TMEM167A: variants seen among roughly 807,000 people sequenced by gnomAD.
The protein encoded by TMEM167A is transmembrane protein 167A.
A neutral mutation model predicts 11.6 loss-of-function variants in TMEM167A; 8 were observed. That is an observed-to-expected ratio of 0.69 (90% CI 0.40 to 1.24). TMEM167A has a LOEUF of 1.24. Ranked by LOEUF, TMEM167A falls within the 50% of genes most tolerant of loss-of-function variation. TMEM167A has a pLI of 0.01. For missense variants in TMEM167A, 62 were observed against 87.0 expected (o/e 0.71, Z 1.14); for synonymous variants, 22 against 28.0 (o/e 0.79, Z 0.67).
intron 1 of TMEM167A, among the ~76,000 whole-genome samples, chr5:83,067,216 A>C (rs1744495875): frequency 6.6e-6 from 1 of 150,916 alleles, no homozygotes; most frequent in South Asian, 2.1e-4. Flanking sequence ...TATGGAAAAA[A>C]TAAGGCAAGA....
At chr5:83,075,778 C>G (rs1004345153) in intron 1 of TMEM167A, among the ~76,000 whole-genome samples, 1 of 151,874 alleles carries the variant, frequency 6.6e-6, no homozygotes, top group Non-Finnish European at 1.5e-5. Context: ...TACAGTAATT[C>G]AGGTTTATTA....
At chr5:83,074,469 C>T (rs1438943880) in intron 1 of TMEM167A, among the ~76,000 whole-genome samples, 1 of 152,222 alleles carries the variant, frequency 6.6e-6, no homozygotes, top group East Asian at 1.9e-4. Context: ...CACATCTATT[C>T]TCTGGAGACT....
At chr5:83,068,466 A>C (rs181130198) in intron 1 of TMEM167A, among the ~76,000 whole-genome samples, 3 of 152,208 alleles carry the variant, frequency 2.0e-5, no homozygotes, top group Admixed American at 6.5e-5. Flanking sequence ...AAAACAGAGC[A>C]TGTACTTTAA....
chr5:83,077,197 A>G lies in TMEM167A; in HGVS notation c.3+124T>C, dbSNP rs1744694465. On this transcript the variant is annotated intron_variant, in intron 1 of 3. Coordinates refer to ENST00000502346, the MANE Select transcript of TMEM167A (RefSeq NM_174909.5). ...CTCTGGTTGGCCGTGGAGGGACCAC[A>G]TGGCTCCAAGGCCTCTCAGCTCCGG... The G allele has an allele frequency of 3.5e-6, 5 of 1,412,916 alleles. No homozygotes were observed. The Admixed American group carries it at 8.5e-5, about 24-fold the overall frequency. The allele number at this position is 1,412,916 out of a possible 1,614,324, so 87.5% of individuals were successfully genotyped here. A position where few individuals can be genotyped will look rare whatever the true frequency, so the allele number is the denominator to read the frequency against.
intron 1 of TMEM167A, among the ~76,000 whole-genome samples, chr5:83,074,936 A>T (rs1288911436): frequency 6.6e-6 from 1 of 152,080 alleles, no homozygotes; most frequent in Admixed American, 6.5e-5. Flanking sequence ...ACGCCCGGCT[A>T]ATTTTTTATT....
In TMEM167A at chr5:83,077,382, G is replaced by T. The variant is rs1744705245; in HGVS notation, c.-59C>A. 1 of 1,613,508 alleles carries T rather than the reference G, an allele frequency of 6.2e-7. No individual in the cohort carries two copies. Among genetic ancestry groups the T allele is most frequent in the Admixed American group, 1.7e-5 (1 of 60,006 alleles). On this transcript the variant is annotated 5_prime_UTR_variant, in exon 1 of 4. Transcript: ENST00000502346. ...TTCCGGGGCTCAGGCGGAAGAGGCTGCATGTCCCGTCTGCCCTTCTCGCCC... is the reference window on the plus strand; with the variant it reads ...TTCCGGGGCTCAGGCGGAAGAGGCTTCATGTCCCGTCTGCCCTTCTCGCCC...
intron 1 of TMEM167A, among the ~76,000 whole-genome samples, chr5:83,070,248 G>A (rs545069303): frequency 1.3e-5 from 2 of 152,216 alleles, no homozygotes; most frequent in African/African-American, 4.8e-5. Context: ...GACTGAGTAC[G>A]CAGGTTCTGT....
intron 1 of TMEM167A, among the ~76,000 whole-genome samples, chr5:83,074,437 T>C (rs971760010): frequency 1.3e-5 from 2 of 152,234 alleles, no homozygotes; most frequent in Non-Finnish European, 2.9e-5. Flanking sequence ...TATCTTCTGC[T>C]ATAAGAGGAG....
At chr5:83,076,243 T>C (rs1308431688) in intron 1 of TMEM167A, among the ~76,000 whole-genome samples, 1 of 152,232 alleles carries the variant, frequency 6.6e-6, no homozygotes, top group Non-Finnish European at 1.5e-5. Flanking sequence ...TATAAACTGA[T>C]TTTTTGAAAA....
rs767248659 is a variant in TMEM167A, at chr5:83,057,072, C to T, written c.*12G>A. 1 of 1,609,958 alleles carries T rather than the reference C, an allele frequency of 6.2e-7. No homozygotes were observed. The highest frequency in any genetic ancestry group is 1.1e-5 in the South Asian group (1 of 90,952). On this transcript the variant is annotated 3_prime_UTR_variant, in exon 4 of 4. Coordinates refer to ENST00000502346, the MANE Select transcript of TMEM167A (RefSeq NM_174909.5). ...AAATCTGATGGCAACTACATTCTGG[C>T]ATTTTCCCCAGCTACTGTATGAAGA...
chr5:83,072,440 G>A (rs560016618), intron 1 of TMEM167A, among the ~76,000 whole-genome samples: 6 of 152,304 alleles, frequency 3.9e-5, no homozygotes, highest in Admixed American at 2.0e-4. Flanking sequence ...AAATCTAACT[G>A]CTTATTAGAA....
intron 1 of TMEM167A, among the ~76,000 whole-genome samples, chr5:83,067,461 T>C (rs1029894071): frequency 1.3e-5 from 2 of 152,172 alleles, no homozygotes; most frequent in South Asian, 2.1e-4. Flanking sequence ...TGTAAACTTT[T>C]ATGCAAAGAA....
rs747468242 is a variant in TMEM167A, at chr5:83,056,855, T to C, written c.*229A>G. 4.3e-4 allele frequency: 237 copies of C among 555,450 alleles called. No individual in the cohort carries two copies. Among genetic ancestry groups the C allele is most frequent in the Non-Finnish European group, 6.5e-4 (204 of 313,778 alleles). 34.4% of individuals were successfully genotyped at this position (555,450 alleles called of 1,614,324 possible). ...AGAATAACATTTGCAGAATGTAATA[T>C]TGTAGTGACAGTACTGAGGTTGATT... On this transcript the variant is annotated 3_prime_UTR_variant, in exon 4 of 4. Coordinates refer to ENST00000502346, the MANE Select transcript of TMEM167A (RefSeq NM_174909.5).
intron 3 of TMEM167A, among the ~76,000 whole-genome samples, chr5:83,061,275 C>G (rs1021038387): frequency 2.0e-5 from 3 of 152,200 alleles, no homozygotes; most frequent in Admixed American, 2.0e-4. Flanking sequence ...ATGCTCTATA[C>G]TTCTATACTA....
intron 2 of TMEM167A, among the ~76,000 whole-genome samples, chr5:83,062,922 G>A (rs865968063): frequency 2.7e-5 from 4 of 149,226 alleles, no homozygotes; most frequent in Admixed American, 1.3e-4. Flanking sequence ...AAGACTAACA[G>A]AAAATTCTGG....
chr5:83,067,679 ATT>A (rs75444591), intron 1 of TMEM167A, among the ~76,000 whole-genome samples: 2 of 143,656 alleles, frequency 1.4e-5, no homozygotes, highest in Admixed American at 7.0e-5. Context: ...TAAATTTTGT[ATT>A]TTTTTTTTTT....
At chr5:83,058,898 T>C (rs1011921140) in intron 3 of TMEM167A, among the ~76,000 whole-genome samples, 1 of 152,130 alleles carries the variant, frequency 6.6e-6, no homozygotes, top group African/African-American at 2.4e-5. Flanking sequence ...ACAGTTGCTG[T>C]AATGTGATGT....
intron 2 of TMEM167A, among the ~76,000 whole-genome samples, chr5:83,063,402 T>C (rs1744434298): frequency 6.6e-6 from 1 of 152,106 alleles, no homozygotes; most frequent in Non-Finnish European, 1.5e-5. Context: ...TAAAATTGGC[T>C]AACATTTCTT....
At position 83,064,100 on chromosome 5, in the gene TMEM167A, C is replaced by CA. The variant is rs1425191173; in HGVS notation, c.113+907dup. ...TAAATCAACATAAAATGGTGCTTAA[C>CA]ACGTATATAAGTAGAAATAAAGGTT... On this transcript the variant is annotated intron_variant, in intron 2 of 3. Coordinates refer to ENST00000502346, the MANE Select transcript of TMEM167A (RefSeq NM_174909.5). The CA allele has an allele frequency of 1.1e-4, 36 of 338,064 alleles. 1 individual carries two copies. Among genetic ancestry groups the CA allele is most frequent in the Middle Eastern group, 8.8e-4 (1 of 1,130 alleles). 20.9% of individuals were successfully genotyped at this position (338,064 alleles called of 1,614,324 possible). A position where few individuals can be genotyped will look rare whatever the true frequency, so the allele number is the denominator to read the frequency against.
Sources: allele counts gnomAD v4.1 joint callset (sites outside exome capture counted in the v4.1 genomes callset), GRCh38; gene constraint gnomAD v4.1.1; transcripts MANE v1.5; gene names NCBI Gene and HGNC (gene_info 2026-07-23, HGNC 2026-07-21).